The following ALDH1L2 variants were observed in gnomAD, a reference collection of about 807,000 sequenced individuals.
ALDH1L2 encodes mitochondrial 10-formyltetrahydrofolate dehydrogenase.
ALDH1L2 carries 91 observed loss-of-function variants against 111.0 expected under a neutral mutation model. That is an observed-to-expected ratio of 0.82 (90% CI 0.69 to 0.98). The LOEUF is 0.98. ALDH1L2 is among the 50% of genes least tolerant of loss of function. The pLI, the probability that ALDH1L2 is intolerant of heterozygous loss-of-function variation, is 0.00. For synonymous variants in ALDH1L2, 374 were observed against 392.6 expected (o/e 0.95, Z 0.56); for missense variants, 995 against 1,126.8 (o/e 0.88, Z 1.67).
In ALDH1L2 at chr12:105,068,705, C is replaced by G; in HGVS notation, c.594+14G>C. On this transcript the variant is annotated intron_variant, in intron 4 of 22. Transcript: ENST00000258494. ...TAAAGGTTTACTAAATTCTGGGTGG[C>G]AAAATATACTAACCATGGCCTTGAT... 1 of 1,439,374 alleles carries G rather than the reference C, an allele frequency of 6.9e-7. No homozygotes were observed. Among genetic ancestry groups the G allele is most frequent in the Admixed American group, 2.6e-5 (1 of 39,088 alleles). The allele number at this position is 1,439,374 out of a possible 1,614,324, so 89.2% of individuals were successfully genotyped here.
chr12:105,050,994 AT>A (rs1227051615), intron 12 of ALDH1L2, among the ~76,000 whole-genome samples: 1 of 152,102 alleles, frequency 6.6e-6, no homozygotes, highest in Admixed American at 6.5e-5. Flanking sequence ...CCGATATTGG[AT>A]TTTAGGTAAA....
intron 17 of ALDH1L2, 58 bp from the exon 18 acceptor site, chr12:105,038,260 T>TCTCTCACACACA: frequency 1.7e-6 from 1 of 584,100 alleles, no homozygotes; most frequent in South Asian, 1.9e-5. Flanking sequence ...TCTCTCTCTC[T>TCTCTCACACACA]CACACACACA....
intron 3 of ALDH1L2, 72 bp from the exon 4 acceptor site, chr12:105,068,956 A>G: frequency 8.0e-7 from 1 of 1,246,262 alleles, no homozygotes; most frequent in Non-Finnish European, 1.1e-6. Context: ...GTGATATTAA[A>G]GTATAAGATA....
intron 10 of ALDH1L2, among the ~76,000 whole-genome samples, chr12:105,057,852 A>G (rs1196649627): frequency 6.6e-6 from 1 of 152,230 alleles, no homozygotes; most frequent in African/African-American, 2.4e-5. Context: ...AAATGTTCCA[A>G]AATTGGATGG....
intron 19 of ALDH1L2, 100 bp from the exon 20 acceptor site, chr12:105,032,034 G>T: frequency 4.0e-6 from 5 of 1,249,738 alleles, no homozygotes; most frequent in Non-Finnish European, 4.4e-6. Context: ...TAGATGTATT[G>T]TCATTTAGTC....
chr12:105,036,722 T>C (rs1406112918), intron 18 of ALDH1L2, among the ~76,000 whole-genome samples: 1 of 150,902 alleles, frequency 6.6e-6, no homozygotes, highest in Non-Finnish European at 1.5e-5. Flanking sequence ...TGCTTTGAAA[T>C]ACCATGCTTT....
At position 105,046,927 on chromosome 12, in the gene ALDH1L2, G is replaced by C. The variant is rs79696650; in HGVS notation, c.1729C>G (p.Leu577Val). The C allele has an allele frequency of 6.8e-4, 1,092 of 1,614,166 alleles. 15 individuals are homozygous for C. In the East Asian group the frequency reaches 0.02, roughly 30 times the overall value. The change falls in exon 14 of 23, where the codon CTG becomes GTG. Residue 577 changes from leucine (L) to valine (V), a missense_variant. Coordinates refer to ENST00000258494, the MANE Select transcript of ALDH1L2 (RefSeq NM_001034173.4). ...AGTGGCTCTTTCTTGGTGAAGGTCA[G>C]ATTGCGATTTGGACGGGCCTGGTTG... Reference protein sequence around the residue: ...PINQARPNRNLTFTKKEPLGV... With the variant: ...PINQARPNRNVTFTKKEPLGV...
intron 10 of ALDH1L2, among the ~76,000 whole-genome samples, chr12:105,055,208 C>A (rs1876539258): frequency 6.6e-6 from 1 of 152,138 alleles, no homozygotes; most frequent in South Asian, 2.1e-4. Flanking sequence ...TGCTGGAGCA[C>A]TGAAGGTATA....
chr12:105,035,379 A>G (rs1489899362), intron 18 of ALDH1L2, among the ~76,000 whole-genome samples: 2 of 152,108 alleles, frequency 1.3e-5, no homozygotes, highest in Non-Finnish European at 2.9e-5. Flanking sequence ...GCTGGAGTGC[A>G]GTGGCGTGAT....
In ALDH1L2 at chr12:105,024,328, G is replaced by T. The variant is rs1874304929; in HGVS notation, c.*96C>A. The T allele has an allele frequency of 1.4e-6, 2 of 1,462,390 alleles. No individual in the cohort carries two copies. Among genetic ancestry groups the T allele is most frequent in the Non-Finnish European group, 1.9e-6 (2 of 1,051,112 alleles). 90.6% of individuals were successfully genotyped at this position (1,462,390 alleles called of 1,614,324 possible). On this transcript the variant is annotated 3_prime_UTR_variant, in exon 23 of 23. Coordinates refer to ENST00000258494, the MANE Select transcript of ALDH1L2 (RefSeq NM_001034173.4). ...TCCATCTGTGTATTTTTTGGTTTGT[G>T]GCTGACACCTCCTGCCTCAACACAC...
chr12:105,036,000 T>C lies in ALDH1L2; in HGVS notation c.2146-1602A>G, dbSNP rs1263350937. ...ATATATATTATATATATACGTATAT[T>C]TATATATGTGTATATATATTATATA... On this transcript the variant is annotated intron_variant, in intron 18 of 22. Transcript: ENST00000258494. Among the ~76,000 whole-genome samples, 6 of 79,570 alleles carry C rather than the reference T, an allele frequency of 7.5e-5. 3 individuals carry two copies. Among genetic ancestry groups the C allele is most frequent in the African/African-American group, 3.0e-4 (6 of 20,046 alleles). 52.2% of individuals were successfully genotyped at this position (79,570 alleles called of 152,430 possible).
intron 22 of ALDH1L2, among the ~76,000 whole-genome samples, chr12:105,025,807 C>T (rs1280488763): frequency 6.6e-6 from 1 of 152,228 alleles, no homozygotes; most frequent in Non-Finnish European, 1.5e-5. Flanking sequence ...TTTGAATTCT[C>T]TCTTGCCAGT....
chr12:105,067,623 C>A lies in ALDH1L2; in HGVS notation c.595-954G>T, dbSNP rs567252229. On this transcript the variant is annotated intron_variant, in intron 4 of 22. Coordinates refer to ENST00000258494, the MANE Select transcript of ALDH1L2 (RefSeq NM_001034173.4). The stretch of plus-strand genomic sequence containing the variant: ...TGTTATATTTACGTTTGCCTTGAGT[C>A]GAGAGCCTCCCATTTTCACTGCGAG... Among the ~76,000 whole-genome samples the A allele has an allele frequency of 3.3e-5, 5 of 152,256 alleles. No homozygotes were observed. The South Asian group carries it at 1.0e-3, about 32-fold the overall frequency.
Position 105,046,903 on chromosome 12 carries a change from G to A in ALDH1L2, c.1753C>T (p.Leu585Phe), listed in dbSNP as rs201153831. Reference sequence around the variant, plus strand: ...GAGGCACTCTCCTTATCTTACCCGAGTGGCTCTTTCTTGGTGAAGGTCAGA... The same window carrying A: ...GAGGCACTCTCCTTATCTTACCCGAATGGCTCTTTCTTGGTGAAGGTCAGA... ...RNLTFTKKEP[L>F]GVCAIIIPWN... The change falls in exon 14 of 23, where the codon CTC becomes TTC. Residue 585 changes from leucine (L) to phenylalanine (F), a missense_variant. Coordinates refer to ENST00000258494, the MANE Select transcript of ALDH1L2 (RefSeq NM_001034173.4). 8.2e-5 allele frequency: 132 copies of A among 1,613,916 alleles called. No individual in the cohort carries two copies. In the Middle Eastern group the frequency reaches 1.6e-3, roughly 20 times the overall value.
chr12:105,072,067 C>T (rs1278190330), intron 2 of ALDH1L2, among the ~76,000 whole-genome samples: 2 of 150,688 alleles, frequency 1.3e-5, no homozygotes, highest in Admixed American at 1.3e-4. Context: ...GCCTGGGCAA[C>T]GAAGTGAGAC....
rs926634499 is a variant in ALDH1L2, at chr12:105,020,161, A to C, written c.*4263T>G. On this transcript the variant is annotated 3_prime_UTR_variant, in exon 23 of 23. Coordinates refer to ENST00000258494, the MANE Select transcript of ALDH1L2 (RefSeq NM_001034173.4). ...CCTTATCCATCATCCCTCATATCCT[A>C]CTCTTAGCCCAGATTTTCCTTGACA... The C allele has an allele frequency of 6.6e-6, 1 of 151,222 alleles. No individual in the cohort carries two copies. The highest frequency in any genetic ancestry group is 2.4e-5 in the African/African-American group (1 of 40,982). 9.4% of individuals were successfully genotyped at this position (151,222 alleles called of 1,614,324 possible).
intron 21 of ALDH1L2, among the ~76,000 whole-genome samples, chr12:105,028,404 C>T (rs1031762940): frequency 3.3e-5 from 5 of 152,176 alleles, no homozygotes; most frequent in Admixed American, 6.5e-5. Flanking sequence ...TGAGCCATTG[C>T]GCCTGGCCAA....
In ALDH1L2 at chr12:105,024,131, T is replaced by C. The variant is rs914733044; in HGVS notation, c.*293A>G. On this transcript the variant is annotated 3_prime_UTR_variant, in exon 23 of 23. Coordinates refer to ENST00000258494, the MANE Select transcript of ALDH1L2 (RefSeq NM_001034173.4). ...CTGCATGGTACTGACATCTTCAAGATGGGAACCATGAATAGATTTGTCTAG... is the reference window on the plus strand; with the variant it reads ...CTGCATGGTACTGACATCTTCAAGACGGGAACCATGAATAGATTTGTCTAG... The C allele has an allele frequency of 1.6e-5, 8 of 497,510 alleles. No homozygotes were observed. The highest frequency in any genetic ancestry group is 2.9e-5 in the Non-Finnish European group (8 of 276,618). 30.8% of individuals were successfully genotyped at this position (497,510 alleles called of 1,614,324 possible).
chr12:105,023,453 G>A lies in ALDH1L2; in HGVS notation c.*971C>T, dbSNP rs1328038502. 1 of 152,130 alleles carries A rather than the reference G, an allele frequency of 6.6e-6. No individual in the cohort carries two copies. The highest frequency in any genetic ancestry group is 1.5e-5 in the Non-Finnish European group (1 of 68,018). 9.4% of individuals were successfully genotyped at this position (152,130 alleles called of 1,614,324 possible). The stretch of plus-strand genomic sequence containing the variant: ...GAATTGATGATTGAAAAGGGTTGTG[G>A]GAAATGAATTCATCTAGTTAATTAA... On this transcript the variant is annotated 3_prime_UTR_variant, in exon 23 of 23. Coordinates refer to ENST00000258494, the MANE Select transcript of ALDH1L2 (RefSeq NM_001034173.4).
Sources: gnomAD v4.1 joint callset for allele counts (sites outside exome capture counted in the v4.1 genomes callset) on GRCh38, gnomAD v4.1.1 for gene constraint, MANE v1.5 for transcripts, NCBI Gene and HGNC (gene_info 2026-07-23, HGNC 2026-07-21) for gene names.